The following PER1 variants were observed in gnomAD, a reference collection of about 807,000 sequenced individuals.
PER1 encodes the protein period circadian regulator 1.
PER1 carries 87 observed loss-of-function variants against 125.9 expected under a neutral mutation model. That is an observed-to-expected ratio of 0.69 (90% confidence interval 0.58 to 0.83). The LOEUF (loss-of-function observed/expected upper bound fraction) is 0.83, where lower values mean the gene tolerates loss of function less well. Among genes scored for constraint, PER1 ranks in the 40% least tolerant of loss-of-function variants. PER1 has a pLI of 0.00. For missense variants in PER1, 1,775 were observed against 1,722.8 expected, an observed-to-expected ratio of 1.03 and a Z score of -0.54; for synonymous variants, 801 against 714.7, an observed-to-expected ratio of 1.12 and a Z score of -1.93.
In PER1 at chr17:8,142,754, G is replaced by A. The variant is rs144485093; in HGVS notation, c.3154C>T (p.Arg1052Cys). 57 of 1,613,856 alleles carry A rather than the reference G, an allele frequency of 3.5e-5. No homozygotes were observed. The African/African-American group carries it at 4.7e-4, about 13-fold the overall frequency. Residue 1052 changes from arginine (R) to cysteine (C), a missense_variant, in exon 20 of 23, where the codon CGC becomes TGC. Physicochemically the swap from Arg to Cys is radical, Grantham distance 180 (BLOSUM62 -3). Coordinates refer to ENST00000317276, the MANE Select transcript of PER1 (RefSeq NM_002616.3). Reference protein sequence around the residue: ...LLELLLQEDSRSGTGSAASGS... With the variant: ...LLELLLQEDSCSGTGSAASGS... ...GAGGCTGCGGAGCCTGTGCCGGAGCGCGAGTCCTCTTGCAGCAGAAGTTCG... is the reference window on the plus strand; with the variant it reads ...GAGGCTGCGGAGCCTGTGCCGGAGCACGAGTCCTCTTGCAGCAGAAGTTCG...
intron 17 of PER1, among the ~76,000 whole-genome samples, chr17:8,145,484 C>T (rs1341518002): frequency 2.6e-5 from 4 of 151,998 alleles, no homozygotes; most frequent in Non-Finnish European, 4.4e-5. Context: ...CCACCACGCC[C>T]GGCTAATTTT....
chr17:8,147,037 G>A (rs929350998), intron 13 of PER1, 35 bp from the exon 14 acceptor site: 8 of 1,569,296 alleles, frequency 5.1e-6, no homozygotes, highest in African/African-American at 1.4e-5. Flanking sequence ...GCAGAACCAG[G>A]GGGTGTCGCC....
rs1382698581 is a variant in PER1, at chr17:8,148,658, T to G, written c.1034A>C (p.His345Pro). The change falls in exon 8 of 23, where the codon CAT becomes CCT. Residue 345 changes from histidine (H) to proline (P), a missense_variant. By Grantham distance (77) the His-to-Pro change is moderately conservative. Coordinates refer to ENST00000317276, the MANE Select transcript of PER1 (RefSeq NM_002616.3). ...GACCTGCCCACCTTCGTAACCCGAA[T>G]GGATGCGCTCTGCAATCAGCAGGCA... is the stretch of plus-strand genomic sequence containing the variant. ...PCCLLIAERI[H>P]SGYEAPRIPP... is the part of the protein sequence containing the mutation. 6.2e-7 allele frequency: 1 copy of G among 1,608,584 alleles called. No individual in the cohort carries two copies.
rs747166649 is a variant in PER1 at position 8,143,436 on chromosome 17, G to A, written c.2902C>T (p.Arg968Cys). Residue 968 changes from arginine to cysteine, a missense_variant, in exon 19 of 23, where the codon CGC (arginine) becomes TGC (cysteine). Transcript: ENST00000317276. ...GAGTTGAACAGTGGAGAGTCCGGGCGGTGAGGAGGACTCGGGGCGAGGGCG... is the reference window on the plus strand; with the variant it reads ...GAGTTGAACAGTGGAGAGTCCGGGCAGTGAGGAGGACTCGGGGCGAGGGCG... ...LPALAPSPPHRPDSPLFNSRC... is the reference protein window; with the variant it reads ...LPALAPSPPHCPDSPLFNSRC... The A allele has an allele frequency of 3.3e-5, 53 of 1,612,160 alleles. No homozygotes were observed. The highest frequency in any genetic ancestry group is 2.4e-4 in the South Asian group (22 of 90,808).
chr17:8,151,502 G>A (rs753836255), intron 1 of PER1, among the ~76,000 whole-genome samples: 1 of 152,158 alleles, frequency 6.6e-6, no homozygotes, highest in Non-Finnish European at 1.5e-5. Flanking sequence ...GTGGCCGTAA[G>A]AAGTGGGACG....
chr17:8,149,953 T>C lies in PER1; in HGVS notation c.529+18A>G, dbSNP rs1206565166. The C allele has an allele frequency of 1.2e-6, 2 of 1,613,696 alleles. No individual in the cohort carries two copies. The highest frequency in any genetic ancestry group is 1.7e-5 in the Admixed American group (1 of 60,016). The stretch of plus-strand genomic sequence containing the variant: ...GAGCCCAGGCCCAGGCCATTCCCTC[T>C]TGGGACACACCACTTACCCTGCACC... On this transcript the variant is annotated intron_variant, in intron 4 of 22. Transcript: ENST00000317276.
intron 8 of PER1, 50 bp from the exon 9 acceptor site, chr17:8,148,309 C>T: frequency 6.9e-7 from 1 of 1,458,026 alleles, no homozygotes; most frequent in Non-Finnish European, 9.6e-7. Flanking sequence ...ATGCCCAACT[C>T]CTCAGCCCTC....
rs192450546 is a variant in PER1 at position 8,141,048 on chromosome 17, A to C, written c.*20T>G. On this transcript the variant is annotated 3_prime_UTR_variant, in exon 23 of 23. Coordinates refer to ENST00000317276, the MANE Select transcript of PER1 (RefSeq NM_002616.3). ...AAGAAAGCCTCTCATGGACTCCTGG[A>C]GATGGTCCCAGAATGGAGTCTAGCT... is the stretch of plus-strand genomic sequence containing the variant. 1.4e-5 allele frequency: 22 copies of C among 1,598,338 alleles called. No individual in the cohort carries two copies. The highest frequency in any genetic ancestry group is 1.8e-5 in the Non-Finnish European group (21 of 1,169,994).
chr17:8,149,860 G>A lies in PER1; in HGVS notation c.546C>T (p.Tyr182=), dbSNP rs1469519386. The change falls in exon 5 of 23, where the codon TAC becomes TAT. Residue 182 remains tyrosine, a synonymous_variant. Transcript: ENST00000317276. ...VKQVQANQEY[Y]QQWSLEEGEP... is the part of the protein sequence containing the mutation. ...CGCCCTCCTCCAGGCTCCACTGCTG[G>A]TAGTATTCCTGGTTGGCTGCAGAGT... is the stretch of plus-strand genomic sequence containing the variant. 1 of 1,614,144 alleles carries A rather than the reference G, an allele frequency of 6.2e-7. No individual in the cohort carries two copies. Among genetic ancestry groups the A allele is most frequent in the East Asian group, 2.2e-5 (1 of 44,888 alleles).
chr17:8,141,738 AATTCTTTTTTCTCCCCCTT>A, intron 22 of PER1, 48 bp downstream of exon 22: 1 of 1,548,950 alleles, frequency 6.5e-7, no homozygotes, highest in Admixed American at 1.8e-5. Flanking sequence ...ACTTGAGCTC[AATTCTTTTTTCTCCCCCTT>A]GAACTTGAGC....
chr17:8,143,876 C>G lies in PER1; in HGVS notation c.2462G>C (p.Gly821Ala), dbSNP rs1402567271. Residue 821 changes from glycine (G) to alanine (A), a missense_variant and splice_region_variant, in exon 19 of 23, where the codon GGC becomes GCC. Transcript: ENST00000317276. ...TGGGGGTGCGGGGCCGTGGTGGCAG[C>G]CTGTGGGGAGAGACTAGGGTTAGCA... ...STAPSALGER[G>A]CHHGPAPPSR... 6.2e-7 allele frequency: 1 copy of G among 1,605,656 alleles called. No homozygotes were observed.
rs937094718 is a variant in PER1 at position 8,145,958 on chromosome 17, C to T, written c.2218G>A (p.Asp740Asn). The change falls in exon 17 of 23, where the codon GAC becomes AAC. Residue 740 changes from aspartate (D) to asparagine (N), a missense_variant and splice_region_variant. Coordinates refer to ENST00000317276, the MANE Select transcript of PER1 (RefSeq NM_002616.3). ...CTGCCCCCCAATTCCACACCCATAC[C>T]CGACTCCGGGGGCTTCTTGTCTCCC... is the stretch of plus-strand genomic sequence containing the variant. Reference protein sequence around the residue: ...HVGDKKPPESDIIMMEDLPGL... With the variant: ...HVGDKKPPESNIIMMEDLPGL... 4 of 1,598,796 alleles carry T rather than the reference C, an allele frequency of 2.5e-6. No homozygotes were observed. The East Asian group carries it at 6.7e-5, about 27-fold the overall frequency.
intron 21 of PER1, 98 bp downstream of exon 21, chr17:8,142,171 C>T (rs746232433): frequency 4.3e-5 from 49 of 1,134,416 alleles, no homozygotes; most frequent in Admixed American, 1.0e-4. Flanking sequence ...AAGATAGAAA[C>T]GTTTATCCTA....
Position 8,144,971 on chromosome 17 carries a change from C to G in PER1, c.2241G>C (p.Leu747=). ...GGGCTGGGCCTGGGGCTAGGCCAGG[C>G]AGGTCCTCCATCATGATGATGTCTG... ...PESDIIMMED[L]PGLAPGPAPS... Residue 747 remains leucine (L), a synonymous_variant, in exon 18 of 23, where the codon CTG becomes CTC. Coordinates refer to ENST00000317276, the MANE Select transcript of PER1 (RefSeq NM_002616.3). 6.7e-7 allele frequency: 1 copy of G among 1,496,570 alleles called. No homozygotes were observed. The highest frequency in any genetic ancestry group is 8.9e-7 in the Non-Finnish European group (1 of 1,123,142). 92.7% of individuals were successfully genotyped at this position (1,496,570 alleles called of 1,614,324 possible). A position where few individuals can be genotyped will look rare whatever the true frequency, so the allele number is the denominator to read the frequency against.
intron 20 of PER1, 56 bp downstream of exon 20, chr17:8,142,593 T>C: frequency 1.9e-6 from 3 of 1,594,556 alleles, no homozygotes; most frequent in Non-Finnish European, 2.6e-6. Flanking sequence ...GGGCCTGGGC[T>C]CCCGGCTCCC....
chr17:8,150,151 G>A (rs1470198870), intron 3 of PER1, 26 bp from the exon 4 acceptor site: 1 of 1,611,978 alleles, frequency 6.2e-7, no homozygotes, highest in Non-Finnish European at 8.5e-7. Context: ...GGAAGAAAGA[G>A]ATAAAGACAT....
In PER1 at chr17:8,146,699, G is replaced by A. The variant is rs3027184; in HGVS notation, c.1802C>T (p.Ser601Phe). ...QSPDPELEAG[S>F]APVQAPLALV... ...GGCTAGTGGGGCCTGGACGGGAGCA[G>A]AACCCGCCTCCAGCTCTGGGTCTGG... is the stretch of plus-strand genomic sequence containing the variant. Residue 601 changes from serine (S) to phenylalanine (F), a missense_variant, in exon 15 of 23, where the codon TCT becomes TTT. Ser to Phe is a radical substitution (Grantham distance 155). Transcript: ENST00000317276. 45 of 1,613,820 alleles carry A rather than the reference G, an allele frequency of 2.8e-5. 1 individual carries two copies. The South Asian group carries it at 4.6e-4, about 17-fold the overall frequency.
rs1982673941 is a variant in PER1, at chr17:8,149,290, T to TA, written c.873dup (p.Thr292TyrfsTer15). The TA allele has an allele frequency of 6.2e-7, 1 of 1,613,504 alleles. No homozygotes were observed. Among genetic ancestry groups the TA allele is most frequent in the African/African-American group, 1.3e-5 (1 of 74,812 alleles). On this transcript the variant is annotated frameshift_variant, in exon 7 of 23. Coordinates refer to ENST00000317276, the MANE Select transcript of PER1 (RefSeq NM_002616.3). LOFTEE classifies it high-confidence loss of function. Reference sequence around the variant, plus strand: ...CGGCAGAAGACGGACTTCTCCTGGGTAAAGTCCCTGAGGCCTGAACCTGGG... The same window carrying TA: ...CGGCAGAAGACGGACTTCTCCTGGGTAAAAGTCCCTGAGGCCTGAACCTGGG...
rs767143317 is a variant in PER1, at chr17:8,147,230, G to A, written c.1629+20C>T. The A allele has an allele frequency of 1.6e-5, 25 of 1,594,008 alleles. No individual in the cohort carries two copies. In the South Asian group the frequency reaches 2.6e-4, roughly 17 times the overall value. ...AGGGGAAAGGGCGATTAGAGGGTGA[G>A]GTAGGAGCAGGTCACTCACTGGCGC... On this transcript the variant is annotated intron_variant, in intron 13 of 22. Transcript: ENST00000317276.
Sources: gnomAD v4.1 joint callset for allele counts (sites outside exome capture counted in the v4.1 genomes callset) on GRCh38, gnomAD v4.1.1 for gene constraint, MANE v1.5 for transcripts, NCBI Gene and HGNC (gene_info 2026-07-23, HGNC 2026-07-21) for gene names.